The following MIPOL1 variants were observed in gnomAD, a reference collection of about 807,000 sequenced individuals.
MIPOL1 encodes mirror-image polydactyly gene 1 protein.
MIPOL1 carries 57 observed loss-of-function variants against 60.9 expected under a neutral mutation model. The ratio of observed to expected loss-of-function variants is 0.94; its 90% CI spans 0.76 to 1.17. The LOEUF is 1.17. Ranked by LOEUF, MIPOL1 falls within the 50% of genes most tolerant of loss-of-function variation. The pLI, the probability that MIPOL1 is intolerant of heterozygous loss-of-function variation, is 0.00. For synonymous variants in MIPOL1, 179 were observed against 168.8 expected (o/e 1.06, Z -0.47); for missense variants, 551 against 511.6 (o/e 1.08, Z -0.74).
chr14:37,497,249 C>G (rs1168704566), intron 11 of MIPOL1, among the ~76,000 whole-genome samples: 1 of 152,190 alleles, frequency 6.6e-6, no homozygotes, highest in East Asian at 1.9e-4. Context: ...GACTTCATGT[C>G]TAAAACACCA....
chr14:37,458,994 T>TC (rs1330787802), intron 11 of MIPOL1, among the ~76,000 whole-genome samples: 4 of 151,840 alleles, frequency 2.6e-5, no homozygotes, highest in Non-Finnish European at 5.9e-5. Context: ...ACATACCAAA[T>TC]CTGGGATACA....
intron 9 of MIPOL1, among the ~76,000 whole-genome samples, chr14:37,353,780 A>G (rs1008868575): frequency 1.2e-4 from 18 of 152,182 alleles, no homozygotes; most frequent in African/African-American, 4.3e-4. Context: ...TAATGCGTAT[A>G]TTTGATTCTT....
Position 37,355,764 on chromosome 14 carries a change from C to A in MIPOL1, c.829-13753C>A, listed in dbSNP as rs1465596737. ...CCTTGGTTTTCAGCTCCATCAGCTG[C>A]TTTAAGCACTTCTCTGTATTGGGTA... On this transcript the variant is annotated intron_variant, in intron 9 of 12. Coordinates refer to ENST00000684589, the MANE Select transcript of MIPOL1 (RefSeq NM_001388067.1). Among the ~76,000 whole-genome samples the A allele has an allele frequency of 1.4e-4, 21 of 150,458 alleles. No individual in the cohort carries two copies. In the Admixed American group the frequency reaches 1.4e-3, roughly 10 times the overall value.
Position 37,450,271 on chromosome 14 carries a change from T to A in MIPOL1, c.1031+27322T>A, listed in dbSNP as rs192569451. 1.6e-4 allele frequency among the ~76,000 whole-genome samples: 25 copies of A among 152,320 alleles called. No individual in the cohort carries two copies. In the East Asian group the frequency reaches 4.6e-3, roughly 28 times the overall value. ...TGGCTCTCCAGTTTGCTGCACAGTT[T>A]TCATCCTAGGATTTGTCTTCTCTTC... On this transcript the variant is annotated intron_variant, in intron 11 of 12. Transcript: ENST00000684589.
chr14:37,287,252 G>C (rs2084651781), intron 7 of MIPOL1, among the ~76,000 whole-genome samples: 1 of 151,452 alleles, frequency 6.6e-6, no homozygotes, highest in East Asian at 1.9e-4. Flanking sequence ...TGTATGGGTT[G>C]GTTGGTTGTT....
At chr14:37,360,329 C>T (rs928200967) in intron 9 of MIPOL1, among the ~76,000 whole-genome samples, 5 of 152,086 alleles carry the variant, frequency 3.3e-5, no homozygotes, top group Non-Finnish European at 5.9e-5. Flanking sequence ...GTGATGTTGC[C>T]TCATAAAATG....
chr14:37,346,609 C>A lies in MIPOL1; in HGVS notation c.829-22908C>A, dbSNP rs2153467059. 1.3e-5 allele frequency among the ~76,000 whole-genome samples: 2 copies of A among 152,078 alleles called. 1 individual carries two copies. Among genetic ancestry groups the A allele is most frequent in the Non-Finnish European group, 2.9e-5 (2 of 68,014 alleles). On this transcript the variant is annotated intron_variant, in intron 9 of 12. Transcript: ENST00000684589. ...TAGAAAAGTTGAAGAAAGAGAAAGA[C>A]CATGAGGATTAAAAATTGAGAGGAA...
At chr14:37,294,848 G>T (rs144907468) in intron 7 of MIPOL1, among the ~76,000 whole-genome samples, 2,489 of 152,084 alleles carry the variant, frequency 0.016, 29 homozygotes, top group Middle Eastern at 0.048. Context: ...TGAAAGTGAC[G>T]GGGAGAATGG....
intron 10 of MIPOL1, among the ~76,000 whole-genome samples, chr14:37,418,927 A>G (rs1322512146): frequency 1.3e-5 from 2 of 152,082 alleles, no homozygotes; most frequent in Admixed American, 6.6e-5. Flanking sequence ...AAAACTTTAT[A>G]TAGCTATATA....
At chr14:37,224,544 T>C (rs905034209) in intron 1 of MIPOL1, among the ~76,000 whole-genome samples, 1 of 152,080 alleles carries the variant, frequency 6.6e-6, no homozygotes, top group Non-Finnish European at 1.5e-5. Context: ...TATAGAACCA[T>C]CAGATCTTGT....
intron 1 of MIPOL1, among the ~76,000 whole-genome samples, chr14:37,221,378 A>G (rs571512973): frequency 1.1e-4 from 16 of 152,188 alleles, no homozygotes; most frequent in Non-Finnish European, 2.4e-4. Context: ...ATGAGGGTGG[A>G]ACCCTCATGA....
At chr14:37,466,477 G>A (rs571980930) in intron 11 of MIPOL1, among the ~76,000 whole-genome samples, 1 of 152,100 alleles carries the variant, frequency 6.6e-6, no homozygotes, top group East Asian at 1.9e-4. Flanking sequence ...TTGATAACTA[G>A]CAAAACACCT....
chr14:37,278,648 G>A (rs1328928926), intron 6 of MIPOL1: 1 of 151,666 alleles, frequency 6.6e-6, no homozygotes. Context: ...ACCATAAGAT[G>A]TTAACAGATG....
intron 11 of MIPOL1, among the ~76,000 whole-genome samples, chr14:37,494,931 C>T (rs2095098149): frequency 6.6e-6 from 1 of 151,930 alleles, no homozygotes; most frequent in Admixed American, 6.6e-5. Flanking sequence ...CTTGCGGGTA[C>T]AATCCAAACA....
intron 9 of MIPOL1, among the ~76,000 whole-genome samples, chr14:37,344,019 A>G (rs1595262185): frequency 6.6e-6 from 1 of 152,168 alleles, no homozygotes; most frequent in Admixed American, 6.5e-5. Context: ...AAATCCAGAC[A>G]TAACATTCTT....
intron 10 of MIPOL1, among the ~76,000 whole-genome samples, chr14:37,394,306 A>C (rs1447173880): frequency 6.6e-6 from 1 of 151,590 alleles, no homozygotes; most frequent in Non-Finnish European, 1.5e-5. Flanking sequence ...TTAAATGATA[A>C]CTCTACTTTT....
intron 11 of MIPOL1, among the ~76,000 whole-genome samples, chr14:37,487,198 G>GTGGA (rs1363077306): frequency 3.9e-5 from 6 of 152,086 alleles, no homozygotes; most frequent in African/African-American, 1.4e-4. Context: ...CTTGATCGTG[G>GTGGA]TGGATAAGCT....
chr14:37,362,005 C>T (rs182960670), intron 9 of MIPOL1, among the ~76,000 whole-genome samples: 1 of 152,096 alleles, frequency 6.6e-6, no homozygotes. Flanking sequence ...CTATGTGTGT[C>T]TCTGCATGTG....
intron 9 of MIPOL1, among the ~76,000 whole-genome samples, chr14:37,366,056 T>A (rs2092459764): frequency 6.6e-6 from 1 of 152,066 alleles, no homozygotes; most frequent in Non-Finnish European, 1.5e-5. Context: ...TTATAGTATC[T>A]CTTTTCATCT....
Sources: gnomAD v4.1 joint callset for allele counts (sites outside exome capture counted in the v4.1 genomes callset) on GRCh38, gnomAD v4.1.1 for gene constraint, MANE v1.5 for transcripts, NCBI Gene and HGNC (gene_info 2026-07-23, HGNC 2026-07-21) for gene names.